Variants in ST6GALNAC4 observed in about 807,000 individuals in gnomAD.
ST6GALNAC4 encodes the protein ST6 N-acetylgalactosaminide alpha-2,6-sialyltransferase 4.
A neutral mutation model predicts 30.4 loss-of-function variants in ST6GALNAC4; 24 were observed. The observed-to-expected ratio is 0.79, with a 90% CI of 0.57 to 1.11. The LOEUF is 1.11. Ranked by LOEUF, ST6GALNAC4 falls within the 50% of genes most tolerant of loss-of-function variation. The pLI, the probability that ST6GALNAC4 is intolerant of heterozygous loss-of-function variation, is 0.00. For missense variants in ST6GALNAC4, 365 were observed against 430.1 expected, an observed-to-expected ratio of 0.85 and a Z score of 1.34; for synonymous variants, 156 against 179.7, an observed-to-expected ratio of 0.87 and a Z score of 1.05.
In ST6GALNAC4 at chr9:127,912,640, G is replaced by T; in HGVS notation, c.239C>A (p.Ser80Tyr). ...REPCRSCAVV[S>Y]SSGQMLGSGL... ...TGAGCCCAGCATTTGGCCGGAGCTG[G>T]ACACCACGGCACAGCTGCGGCAGGG... Residue 80 changes from serine to tyrosine, a missense_variant, in exon 4 of 6, where the codon TCC becomes TAC. Coordinates refer to ENST00000335791, the MANE Select transcript of ST6GALNAC4 (RefSeq NM_175039.4). 1 of 1,597,658 alleles carries T rather than the reference G, an allele frequency of 6.3e-7. No homozygotes were observed.
intron 3 of ST6GALNAC4, among the ~76,000 whole-genome samples, chr9:127,913,999 GA>G (rs1262715661): frequency 2.0e-5 from 3 of 152,310 alleles, no homozygotes; most frequent in African/African-American, 7.2e-5. Context: ...AGAATCACTT[GA>G]ATCCGGCAGG....
At position 127,912,360 on chromosome 9, in the gene ST6GALNAC4, G is replaced by A. The variant is rs1226385726; in HGVS notation, c.519C>T (p.Thr173=). Residue 173 remains threonine (T), a synonymous_variant, in exon 4 of 6, where the codon ACC becomes ACT. Coordinates refer to ENST00000335791, the MANE Select transcript of ST6GALNAC4 (RefSeq NM_175039.4). ...ACACCTGCAGGCCGGGGTACATCCTGGTGAGCTGCAGCAGCGTGCGGTAGG... is the reference window on the plus strand; with the variant it reads ...ACACCTGCAGGCCGGGGTACATCCTAGTGAGCTGCAGCAGCGTGCGGTAGG... ...GRTYRTLLQL[T]RMYPGLQVYT... The A allele has an allele frequency of 1.2e-6, 2 of 1,614,022 alleles. No homozygotes were observed. The highest frequency in any genetic ancestry group is 1.7e-5 in the Admixed American group (1 of 60,010).
chr9:127,911,447 C>T (rs1439452856), intron 4 of ST6GALNAC4, among the ~76,000 whole-genome samples: 1 of 152,138 alleles, frequency 6.6e-6, no homozygotes, highest in Admixed American at 6.5e-5. Flanking sequence ...GAGTGCTTCA[C>T]CCAATGCCTG....
At chr9:127,910,574 G>A in intron 4 of ST6GALNAC4, 1 of 990,760 alleles carries the variant, frequency 1.0e-6, no homozygotes, top group Non-Finnish European at 1.2e-6. Flanking sequence ...AGGGAACACT[G>A]TCAGCCCAGC....
chr9:127,914,715 T>C lies in ST6GALNAC4; in HGVS notation c.139A>G (p.Arg47Gly). Residue 47 changes from arginine (R) to glycine (G), a missense_variant, in exon 3 of 6, where the codon AGG (arginine) becomes GGG (glycine). By Grantham distance (125) the Arg-to-Gly change is moderately radical (BLOSUM62 -2). Transcript: ENST00000335791. ...TGCAGGGGTCCCGGCACAGTGGGCCTGGAGCCTGTGGGGAAGTGGTGGTCC... is the reference window on the plus strand; with the variant it reads ...TGCAGGGGTCCCGGCACAGTGGGCCCGGAGCCTGTGGGGAAGTGGTGGTCC... ...CLDHHFPTGSRPTVPGPLHFS... is the reference protein window; with the variant it reads ...CLDHHFPTGSGPTVPGPLHFS... 6.2e-7 allele frequency: 1 copy of C among 1,611,748 alleles called. No homozygotes were observed.
chr9:127,910,396 G>C, intron 4 of ST6GALNAC4: 2 of 1,086,938 alleles, frequency 1.8e-6, no homozygotes, highest in Non-Finnish European at 2.2e-6. Context: ...TGGGGAGACA[G>C]CATGAGGCAG....
At position 127,909,959 on chromosome 9, in the gene ST6GALNAC4, G is replaced by A; in HGVS notation, c.711C>T (p.Ser237=). The A allele has an allele frequency of 6.2e-7, 1 of 1,613,342 alleles. No homozygotes were observed. The highest frequency in any genetic ancestry group is 8.5e-7 in the Non-Finnish European group (1 of 1,179,864). The part of the protein sequence containing the change: ...EIVVYGMVSD[S]YCREKSHPSV... ...GGCCTGGCCGGTCTGACCTGCAGTA[G>A]CTGTCGCTGACCATCCCATAGACCA... Residue 237 remains serine (S), a synonymous_variant, in exon 5 of 6, where the codon AGC becomes AGT. Coordinates refer to ENST00000335791, the MANE Select transcript of ST6GALNAC4 (RefSeq NM_175039.4).
chr9:127,912,540 C>T lies in ST6GALNAC4; in HGVS notation c.339G>A (p.Ala113=), dbSNP rs376632127. 22 of 1,613,518 alleles carry T rather than the reference C, an allele frequency of 1.4e-5. No individual in the cohort carries two copies. Among genetic ancestry groups the T allele is most frequent in the African/African-American group, 2.7e-5 (2 of 74,944 alleles). ...GCAGGGTGCTGCGCTGGCCCACATC[C>T]GCCTCAAAGCCCACGGTGGGCGCCT... is the stretch of plus-strand genomic sequence containing the variant. ...MNQAPTVGFE[A]DVGQRSTLRV... Residue 113 remains alanine (A), a synonymous_variant, in exon 4 of 6, where the codon GCG becomes GCA. Coordinates refer to ENST00000335791, the MANE Select transcript of ST6GALNAC4 (RefSeq NM_175039.4).
rs35701259 is a variant in ST6GALNAC4, at chr9:127,912,477, G to C, written c.402C>G (p.Arg134=). 0.04 allele frequency: 64,474 copies of C among 1,613,914 alleles called. 1,560 individuals carry two copies. The highest frequency in any genetic ancestry group is 0.073 in the South Asian group (6,616 of 91,068). The change falls in exon 4 of 6, where the codon CGC becomes CGG. Residue 134 remains arginine (R), a synonymous_variant. Coordinates refer to ENST00000335791, the MANE Select transcript of ST6GALNAC4 (RefSeq NM_175039.4). ...CCTTCTGGAAGTAGTGTGAATAGTTGCGCAGCAGCAGCGGCACGCTTGTGT... is the reference window on the plus strand; with the variant it reads ...CCTTCTGGAAGTAGTGTGAATAGTTCCGCAGCAGCAGCGGCACGCTTGTGT... ...VSHTSVPLLL[R]NYSHYFQKAR...
intron 4 of ST6GALNAC4, among the ~76,000 whole-genome samples, chr9:127,911,518 C>T (rs1231145556): frequency 6.6e-6 from 1 of 152,198 alleles, no homozygotes; most frequent in African/African-American, 2.4e-5. Context: ...GAGTCTCGCT[C>T]TGTCACCCAG....
In ST6GALNAC4 at chr9:127,916,402, A is replaced by G. The variant is rs1207749093; in HGVS notation, c.12+6T>C. On this transcript the variant is annotated splice_donor_region_variant and intron_variant, in intron 2 of 5. Coordinates refer to ENST00000335791, the MANE Select transcript of ST6GALNAC4 (RefSeq NM_175039.4). ...TTCCCTGGAAGTCCTCCTTCTTCCC[A>G]CTTACCGGAGCCTTCATGCTGTCGC... is the stretch of plus-strand genomic sequence containing the variant. 6.2e-7 allele frequency: 1 copy of G among 1,613,850 alleles called. No individual in the cohort carries two copies. Among genetic ancestry groups the G allele is most frequent in the South Asian group, 1.1e-5 (1 of 91,084 alleles).
At position 127,910,179 on chromosome 9, in the gene ST6GALNAC4, G is replaced by T; in HGVS notation, c.612-121C>A. 4 of 1,458,790 alleles carry T rather than the reference G, an allele frequency of 2.7e-6. No individual in the cohort carries two copies. The South Asian group carries it at 4.1e-5, about 15-fold the overall frequency. 90.4% of individuals were successfully genotyped at this position (1,458,790 alleles called of 1,614,324 possible). On this transcript the variant is annotated intron_variant, in intron 4 of 5. Transcript: ENST00000335791. Reference sequence around the variant, plus strand: ...TATGCACCTCAACCTCTTGCGGGGGGCTCTGGGGGAGGCTGGGGAGGGGAC... The same window carrying T: ...TATGCACCTCAACCTCTTGCGGGGGTCTCTGGGGGAGGCTGGGGAGGGGAC...
At chr9:127,914,445 C>G (rs117738166) in intron 3 of ST6GALNAC4, among the ~76,000 whole-genome samples, 1 of 135,670 alleles carries the variant, frequency 7.4e-6, no homozygotes, top group Non-Finnish European at 1.5e-5. Flanking sequence ...GAGCCGAGAT[C>G]GCGCCACTGC....
At chr9:127,915,384 T>C (rs1299274846) in intron 2 of ST6GALNAC4, among the ~76,000 whole-genome samples, 1 of 152,168 alleles carries the variant, frequency 6.6e-6, no homozygotes, top group Non-Finnish European at 1.5e-5. Context: ...CAGGGCTGCC[T>C]AGTGTGGCCC....
chr9:127,908,939 C>G (rs1831005685), intron 5 of ST6GALNAC4, among the ~76,000 whole-genome samples: 1 of 152,090 alleles, frequency 6.6e-6, no homozygotes, highest in South Asian at 2.1e-4. Context: ...GGGAGGAGCC[C>G]CTCATTCCCA....
intron 5 of ST6GALNAC4, among the ~76,000 whole-genome samples, chr9:127,908,854 G>A (rs764617708): frequency 2.0e-5 from 3 of 152,178 alleles, no homozygotes; most frequent in Non-Finnish European, 4.4e-5. Flanking sequence ...GGTCACATCC[G>A]CCTTCCAGAA....
In ST6GALNAC4 at chr9:127,914,668, C is replaced by A; in HGVS notation, c.186G>T (p.Val62=). The A allele has an allele frequency of 6.2e-7, 1 of 1,610,264 alleles. No individual in the cohort carries two copies. Among genetic ancestry groups the A allele is most frequent in the Non-Finnish European group, 8.5e-7 (1 of 1,178,328 alleles). Residue 62 remains valine, a synonymous_variant, in exon 3 of 6, where the codon GTG becomes GTT. Coordinates refer to ENST00000335791, the MANE Select transcript of ST6GALNAC4 (RefSeq NM_175039.4). ...GPLHFSGYSS[V]PDGKPLVREP... ...CTGGCCCACTCACCTTCCCATCTGG[C>A]ACACTGCTATATCCACTGAAGTGCA...
rs1382654082 is a variant in ST6GALNAC4, at chr9:127,914,730, AGTG to A, written c.121_123del (p.His41del). 1 of 1,610,882 alleles carries A rather than the reference AGTG, an allele frequency of 6.2e-7. No individual in the cohort carries two copies. Among genetic ancestry groups the A allele is most frequent in the East Asian group, 2.3e-5 (1 of 44,444 alleles). ...ACAGTGGGCCTGGAGCCTGTGGGGAAGTGGTGGTCCAGGCAGGTGGCCAGGCAG... is the reference window on the plus strand; with the variant it reads ...ACAGTGGGCCTGGAGCCTGTGGGGAAGTGGTCCAGGCAGGTGGCCAGGCAG... On this transcript the variant is annotated inframe_deletion, in exon 3 of 6. Transcript: ENST00000335791.
At chr9:127,909,716 G>T (rs1207998482) in intron 5 of ST6GALNAC4, among the ~76,000 whole-genome samples, 1 of 149,674 alleles carries the variant, frequency 6.7e-6, no homozygotes, top group Non-Finnish European at 1.5e-5. Flanking sequence ...GGGGTGGCAT[G>T]ACTGGCCCGT....
Sources: gnomAD v4.1 joint callset for allele counts (sites outside exome capture counted in the v4.1 genomes callset) on GRCh38, gnomAD v4.1.1 for gene constraint, MANE v1.5 for transcripts, NCBI Gene and HGNC (gene_info 2026-07-23, HGNC 2026-07-21) for gene names.